TLL2: variants seen among roughly 807,000 people sequenced by gnomAD.
TLL2 encodes the protein tolloid like 2.
TLL2 carries 106 observed loss-of-function variants against 123.0 expected under a neutral mutation model. The ratio of observed to expected loss-of-function variants is 0.86; its 90% CI spans 0.74 to 1.01. The LOEUF (loss-of-function observed/expected upper bound fraction) is 1.01, where lower values mean the gene tolerates loss of function less well. Ranked by LOEUF, TLL2 falls within the 50% of genes least tolerant of loss-of-function variation. The pLI, the probability that TLL2 is intolerant of heterozygous loss-of-function variation, is 0.00. For synonymous variants in TLL2, 494 were observed against 516.8 expected (o/e 0.96, Z 0.60); for missense variants, 1,332 against 1,336.7 (o/e 1.00, Z 0.06).
chr10:96,487,492 T>C (rs1847368789), intron 1 of TLL2, among the ~76,000 whole-genome samples: 1 of 152,128 alleles, frequency 6.6e-6, no homozygotes, highest in African/African-American at 2.4e-5. Flanking sequence ...TAAATCATGC[T>C]GCTATACTCA....
intron 2 of TLL2, among the ~76,000 whole-genome samples, chr10:96,469,523 C>T (rs1021404339): frequency 2.0e-5 from 3 of 152,206 alleles, no homozygotes; most frequent in African/African-American, 7.2e-5. Flanking sequence ...TGCACCCAGG[C>T]TGGACCCCCA....
chr10:96,448,325 G>C (rs1048761368), intron 2 of TLL2, among the ~76,000 whole-genome samples: 2 of 152,206 alleles, frequency 1.3e-5, no homozygotes, highest in African/African-American at 4.8e-5. Context: ...ATTCCTGATG[G>C]TATGAAATCT....
At chr10:96,426,259 G>A (rs938158139) in intron 5 of TLL2, among the ~76,000 whole-genome samples, 2 of 152,020 alleles carry the variant, frequency 1.3e-5, no homozygotes, top group Admixed American at 1.3e-4. Flanking sequence ...TTCTGCTGCC[G>A]AATTCTATGT....
At chr10:96,402,051 T>C (rs1846402465) in intron 10 of TLL2, among the ~76,000 whole-genome samples, 1 of 152,214 alleles carries the variant, frequency 6.6e-6, no homozygotes, top group African/African-American at 2.4e-5. Flanking sequence ...GGTTTTCTCA[T>C]AAAAGTGTGG....
chr10:96,442,569 G>A (rs1846860043), intron 3 of TLL2, among the ~76,000 whole-genome samples: 2 of 152,186 alleles, frequency 1.3e-5, no homozygotes, highest in Non-Finnish European at 2.9e-5. Context: ...AATGCAGAGT[G>A]AAGGGACTGG....
intron 1 of TLL2, among the ~76,000 whole-genome samples, chr10:96,492,739 C>T (rs6584079): frequency 0.39 from 59,654 of 152,144 alleles, 12,160 homozygotes; most frequent in East Asian, 0.73. Context: ...TTCCCAGACC[C>T]TTTACAATTC....
At chr10:96,512,214 C>G (rs1175619474) in intron 1 of TLL2, among the ~76,000 whole-genome samples, 1 of 152,202 alleles carries the variant, frequency 6.6e-6, no homozygotes, top group Non-Finnish European at 1.5e-5. Context: ...TCCTAGTAAC[C>G]TGGTCTTCCC....
At chr10:96,508,937 T>C (rs1011924431) in intron 1 of TLL2, among the ~76,000 whole-genome samples, 2 of 152,100 alleles carry the variant, frequency 1.3e-5, no homozygotes, top group Non-Finnish European at 2.9e-5. Flanking sequence ...GGAGGGCTTG[T>C]GGCCGTGATG....
chr10:96,426,404 A>G (rs1378042927), intron 5 of TLL2, among the ~76,000 whole-genome samples: 1 of 152,116 alleles, frequency 6.6e-6, no homozygotes, highest in African/African-American at 2.4e-5. Flanking sequence ...ATTTCAAGGT[A>G]GCAATGCCAT....
chr10:96,510,768 T>C (rs966485865), intron 1 of TLL2, among the ~76,000 whole-genome samples: 2 of 152,130 alleles, frequency 1.3e-5, no homozygotes, highest in African/African-American at 4.8e-5. Flanking sequence ...TTCTAAGAGG[T>C]TGGGCTAGAA....
In TLL2 at chr10:96,425,781, C is replaced by T. The variant is rs1024619262; in HGVS notation, c.638+2850G>A. On this transcript the variant is annotated intron_variant, in intron 5 of 20. Coordinates refer to ENST00000357947, the MANE Select transcript of TLL2 (RefSeq NM_012465.4). ...GGTTTCTAGGCACACAGTCACTTTA[C>T]CTCCCATCAGTGCAAACATTGCCTT... Among the ~76,000 whole-genome samples the T allele has an allele frequency of 3.3e-5, 5 of 152,004 alleles. No homozygotes were observed. In the South Asian group the frequency reaches 6.2e-4, roughly 19 times the overall value.
At chr10:96,488,606 T>G (rs1253815212) in intron 1 of TLL2, among the ~76,000 whole-genome samples, 4 of 152,180 alleles carry the variant, frequency 2.6e-5, no homozygotes, top group Non-Finnish European at 5.9e-5. Flanking sequence ...GCGCTGCCCC[T>G]TAGGCTCACA....
chr10:96,395,062 G>A (rs1011874120), intron 13 of TLL2, 125 bp downstream of exon 13: 14 of 1,016,922 alleles, frequency 1.4e-5, no homozygotes, highest in South Asian at 5.2e-5. Flanking sequence ...GAAATGCATC[G>A]CTGCCTTTTC....
At chr10:96,393,932 C>A (rs1846313520) in intron 13 of TLL2, among the ~76,000 whole-genome samples, 1 of 152,110 alleles carries the variant, frequency 6.6e-6, no homozygotes, top group South Asian at 2.1e-4. Flanking sequence ...TTCTTTGGGG[C>A]TTCACAACAA....
At position 96,368,151 on chromosome 10, in the gene TLL2, C is replaced by T. The variant is rs141843990; in HGVS notation, c.2985G>A (p.Lys995=). 3.6e-3 allele frequency: 5,746 copies of T among 1,614,202 alleles called. 34 individuals are homozygous for T. Among genetic ancestry groups the T allele is most frequent in the Middle Eastern group, 9.1e-3 (55 of 6,062 alleles). Residue 995 remains lysine (K), a synonymous_variant, in exon 21 of 21, where the codon AAG becomes AAA. Coordinates refer to ENST00000357947, the MANE Select transcript of TLL2 (RefSeq NM_012465.4). The part of the protein sequence containing the change: ...IRFRTDDTIN[K]KGFHARYTST... ...TGGTGTATCGGGCATGAAAGCCTTTCTTGTTGATGGTGTCATCTGTGCGGA... is the reference window on the plus strand; with the variant it reads ...TGGTGTATCGGGCATGAAAGCCTTTTTTGTTGATGGTGTCATCTGTGCGGA...
chr10:96,401,753 G>A (rs1019603958), intron 10 of TLL2, among the ~76,000 whole-genome samples: 1 of 152,170 alleles, frequency 6.6e-6, no homozygotes, highest in African/African-American at 2.4e-5. Flanking sequence ...TCTCAGGAAC[G>A]TGCCTTGGCC....
intron 1 of TLL2, among the ~76,000 whole-genome samples, chr10:96,484,256 A>G (rs566923743): frequency 1.3e-5 from 2 of 152,294 alleles, no homozygotes; most frequent in Non-Finnish European, 2.9e-5. Context: ...TCCCAAAGCC[A>G]TAAGACAAAG....
At chr10:96,464,514 C>T (rs1001519497) in intron 2 of TLL2, among the ~76,000 whole-genome samples, 19 of 152,246 alleles carry the variant, frequency 1.2e-4, no homozygotes, top group East Asian at 5.8e-4. Context: ...TTGTGAGCGG[C>T]AGCAGTACAG....
intron 2 of TLL2, among the ~76,000 whole-genome samples, chr10:96,474,530 G>C (rs577613866): frequency 7.9e-5 from 12 of 152,292 alleles, no homozygotes; most frequent in African/African-American, 2.9e-4. Flanking sequence ...GAGGCTGTAA[G>C]GAAGGAAACT....
Sources: allele counts gnomAD v4.1 joint callset (sites outside exome capture counted in the v4.1 genomes callset), GRCh38; gene constraint gnomAD v4.1.1; transcripts MANE v1.5; gene names NCBI Gene and HGNC (gene_info 2026-07-23, HGNC 2026-07-21).